Variants in LCORL observed in about 807,000 individuals in gnomAD.
LCORL encodes the protein ligand dependent nuclear receptor corepressor like.
In LCORL, 41 loss-of-function variants were observed where a neutral mutation model predicts 141.8. That is an observed-to-expected ratio of 0.29 (90% CI 0.23 to 0.38). LCORL has a LOEUF of 0.38. LCORL is among the 10% of genes least tolerant of loss of function. The pLI, the probability that LCORL is intolerant of heterozygous loss-of-function variation, is 1.00. For missense variants in LCORL, 1,759 were observed against 2,035.0 expected (o/e 0.86, Z 2.61); for synonymous variants, 618 against 694.1 (o/e 0.89, Z 1.72).
intron 5 of LCORL, chr4:17,893,613 T>G (rs1356722517): frequency 3.0e-6 from 3 of 984,520 alleles, no homozygotes; most frequent in Non-Finnish European, 3.6e-6. Flanking sequence ...AAAATTGTTA[T>G]TTTCTTCATT....
chr4:17,991,496 C>A (rs1374895442), intron 1 of LCORL, among the ~76,000 whole-genome samples: 1 of 152,200 alleles, frequency 6.6e-6, no homozygotes, highest in Non-Finnish European at 1.5e-5. Context: ...CTGATAGTCA[C>A]ACATTCCAAG....
At chr4:17,908,686 GTTATA>G (rs1732038518) in intron 5 of LCORL, among the ~76,000 whole-genome samples, 2 of 152,056 alleles carry the variant, frequency 1.3e-5, no homozygotes, top group South Asian at 2.1e-4. Context: ...TCTGTTCCAA[GTTATA>G]TTATAAACAA....
intron 7 of LCORL, among the ~76,000 whole-genome samples, chr4:17,851,665 C>A (rs1193921786): frequency 1.3e-5 from 2 of 152,084 alleles, no homozygotes; most frequent in Admixed American, 1.3e-4. Flanking sequence ...AATATTCTTG[C>A]ATGTGTTCAA....
At chr4:17,946,521 T>G (rs1388790686) in intron 4 of LCORL, among the ~76,000 whole-genome samples, 2 of 151,990 alleles carry the variant, frequency 1.3e-5, no homozygotes, top group Non-Finnish European at 2.9e-5. Context: ...TTAAATTCAT[T>G]TAAAACATAA....
At chr4:17,879,981 C>G (rs1410781305) in intron 6 of LCORL, among the ~76,000 whole-genome samples, 1 of 150,946 alleles carries the variant, frequency 6.6e-6, no homozygotes, top group Non-Finnish European at 1.5e-5. Context: ...TGTTATAATA[C>G]CAACTTGATT....
chr4:17,915,909 T>G (rs981611841), intron 4 of LCORL, among the ~76,000 whole-genome samples: 1 of 152,206 alleles, frequency 6.6e-6, no homozygotes, highest in Non-Finnish European at 1.5e-5. Context: ...AATGTTGAAG[T>G]TGGGGTCTGA....
intron 1 of LCORL, among the ~76,000 whole-genome samples, chr4:18,010,895 G>A (rs1038364523): frequency 3.3e-5 from 5 of 151,966 alleles, no homozygotes; most frequent in African/African-American, 1.2e-4. Context: ...CCTTTCCCTT[G>A]CTCCTGGTTT....
At chr4:17,883,367 C>T in intron 6 of LCORL, 1 of 1,023,990 alleles carries the variant, frequency 9.8e-7, no homozygotes. Flanking sequence ...TGGTCTTTCA[C>T]CAATAAAAAT....
At chr4:17,933,542 C>T (rs913381151) in intron 4 of LCORL, among the ~76,000 whole-genome samples, 1 of 151,968 alleles carries the variant, frequency 6.6e-6, no homozygotes, top group Non-Finnish European at 1.5e-5. Context: ...TTCCCATTTT[C>T]CTTTTTATCT....
chr4:17,898,653 T>G (rs1263219292), intron 5 of LCORL, among the ~76,000 whole-genome samples: 1 of 14,480 alleles, frequency 6.9e-5, no homozygotes, highest in Non-Finnish European at 1.8e-4. Context: ...ATTCTCACCG[T>G]TTTTTTTTTT....
At chr4:18,007,128 T>C (rs1438196856) in intron 1 of LCORL, among the ~76,000 whole-genome samples, 2 of 152,154 alleles carry the variant, frequency 1.3e-5, no homozygotes, top group Non-Finnish European at 2.9e-5. Context: ...ACTAGCAGAG[T>C]AATCTTATAA....
At chr4:18,000,161 T>C (rs772316999) in intron 1 of LCORL, among the ~76,000 whole-genome samples, 1 of 149,868 alleles carries the variant, frequency 6.7e-6, no homozygotes, top group Admixed American at 6.7e-5. Flanking sequence ...AGAGTGAATG[T>C]ATTAAAAATT....
At chr4:17,954,236 G>A (rs1712104318) in intron 4 of LCORL, among the ~76,000 whole-genome samples, 1 of 152,098 alleles carries the variant, frequency 6.6e-6, no homozygotes, top group Admixed American at 6.5e-5. Flanking sequence ...TCAATAGGGT[G>A]GTGAGGGCAG....
chr4:17,897,382 G>T (rs1207447297), intron 5 of LCORL, among the ~76,000 whole-genome samples: 6 of 150,832 alleles, frequency 4.0e-5, no homozygotes, highest in African/African-American at 1.5e-4. Context: ...TGATTCTGTT[G>T]TTTGATTCAA....
chr4:17,907,363 T>C (rs1224580384), intron 5 of LCORL, among the ~76,000 whole-genome samples: 1 of 152,212 alleles, frequency 6.6e-6, no homozygotes, highest in Non-Finnish European at 1.5e-5. Flanking sequence ...ATTATTATTA[T>C]GGCCAAATTA....
intron 5 of LCORL, among the ~76,000 whole-genome samples, chr4:17,904,043 T>C (rs951191708): frequency 6.6e-6 from 1 of 151,950 alleles, no homozygotes; most frequent in African/African-American, 2.4e-5. Flanking sequence ...AGTAAAACGC[T>C]GTTGCAGATA....
At chr4:18,006,481 T>C (rs184023555) in intron 1 of LCORL, among the ~76,000 whole-genome samples, 1 of 152,286 alleles carries the variant, frequency 6.6e-6, no homozygotes, top group African/African-American at 2.4e-5. Flanking sequence ...CTGGTACCAA[T>C]TTACTGTATT....
exon 8 of LCORL, chr4:17,845,809 C>T (rs140153610): frequency 1.8e-4 from 291 of 1,613,446 alleles, no homozygotes; most frequent in Non-Finnish European, 2.4e-4. Flanking sequence ...TTCAATGGGA[C>T]GATTAAGGCA....
At chr4:17,980,275 C>T (rs1470329943) in intron 1 of LCORL, among the ~76,000 whole-genome samples, 1 of 152,214 alleles carries the variant, frequency 6.6e-6, no homozygotes, top group Non-Finnish European at 1.5e-5. Context: ...TGGTCTGTGG[C>T]AAATTCAATA....
Sources: allele counts gnomAD v4.1 joint callset (sites outside exome capture counted in the v4.1 genomes callset), GRCh38; gene constraint gnomAD v4.1.1; transcripts MANE v1.5; gene names NCBI Gene and HGNC (gene_info 2026-07-23, HGNC 2026-07-21).